The following SAMD5 variants were observed in gnomAD, a reference collection of about 807,000 sequenced individuals.
The protein encoded by SAMD5 is sterile alpha motif domain containing 5, also known as sterile alpha motif domain-containing protein 5.
Under a neutral mutation model 11.3 loss-of-function variants are expected in SAMD5, and 13 were observed. That is an observed-to-expected ratio of 1.15 (90% CI 0.75 to 1.83). SAMD5 has a LOEUF of 1.83. Among genes scored for constraint, SAMD5 ranks in the 40% most tolerant of loss-of-function variants. SAMD5 has a pLI of 0.00. For synonymous variants in SAMD5, 129 were observed against 111.3 expected, an observed-to-expected ratio of 1.16 and a Z score of -1.00; for missense variants, 255 against 239.1, an observed-to-expected ratio of 1.07 and a Z score of -0.44.
intron 1 of SAMD5, among the ~76,000 whole-genome samples, chr6:147,731,774 A>G (rs1791719288): frequency 6.6e-6 from 1 of 150,706 alleles, no homozygotes; most frequent in African/African-American, 2.5e-5. Flanking sequence ...TCCAATAGTA[A>G]AGCAACCAAC....
the SAMD5 span, among the ~76,000 whole-genome samples, chr6:147,944,479 C>G: frequency 6.6e-6 from 1 of 152,120 alleles, no homozygotes; most frequent in Non-Finnish European, 1.5e-5. Context: ...AAAGACCCAC[C>G]CCCGTGATTC....
At chr6:147,778,856 CTA>C in the SAMD5 span, among the ~76,000 whole-genome samples, 1 of 143,442 alleles carries the variant, frequency 7.0e-6, no homozygotes, top group African/African-American at 2.8e-5. Context: ...ACTGATTTCT[CTA>C]AAAAAAATTG....
At chr6:147,786,905 A>G in the SAMD5 span, among the ~76,000 whole-genome samples, 1 of 152,200 alleles carries the variant, frequency 6.6e-6, no homozygotes, top group South Asian at 2.1e-4. Context: ...CTGCAGTCAC[A>G]TTGACTTCTT....
chr6:147,680,796 C>T (rs930525584), intron 1 of SAMD5, among the ~76,000 whole-genome samples: 2 of 152,086 alleles, frequency 1.3e-5, no homozygotes, highest in Non-Finnish European at 2.9e-5. Flanking sequence ...GGTCCTTTAA[C>T]ATGATTAAAA....
chr6:147,553,987 A>G (rs573988438), intron 1 of SAMD5, among the ~76,000 whole-genome samples: 20 of 152,286 alleles, frequency 1.3e-4, no homozygotes, highest in African/African-American at 4.8e-4. Flanking sequence ...ACACTACTTT[A>G]AAGAACTGCT....
At chr6:147,634,088 T>A (rs1436020072) in intron 1 of SAMD5, among the ~76,000 whole-genome samples, 2 of 152,182 alleles carry the variant, frequency 1.3e-5, no homozygotes, top group African/African-American at 4.8e-5. Context: ...CAATGGGTAG[T>A]CTTTTGTGTC....
chr6:147,515,554 A>G (rs1467513102), intron 1 of SAMD5, among the ~76,000 whole-genome samples: 1 of 151,620 alleles, frequency 6.6e-6, no homozygotes, highest in African/African-American at 2.4e-5. Context: ...CCCTTTACCC[A>G]TCCATCTCTC....
intron 1 of SAMD5, among the ~76,000 whole-genome samples, chr6:147,631,260 A>C (rs1013257858): frequency 6.6e-6 from 1 of 152,224 alleles, no homozygotes; most frequent in Admixed American, 6.5e-5. Flanking sequence ...ACAAGGTCCG[A>C]ATAAGAGAAG....
At chr6:147,723,066 G>C (rs1791577792) in intron 1 of SAMD5, among the ~76,000 whole-genome samples, 1 of 152,094 alleles carries the variant, frequency 6.6e-6, no homozygotes, top group Admixed American at 6.6e-5. Flanking sequence ...CCTTCTTCCA[G>C]CAATAGATTG....
chr6:147,591,809 T>C (rs2128447276), intron 1 of SAMD5, among the ~76,000 whole-genome samples: 1 of 152,092 alleles, frequency 6.6e-6, no homozygotes, highest in Middle Eastern at 3.4e-3. Context: ...CATTTACAGG[T>C]CACCCTGACC....
At chr6:147,886,952 T>C in the SAMD5 span, among the ~76,000 whole-genome samples, 1 of 152,182 alleles carries the variant, frequency 6.6e-6, no homozygotes, top group Non-Finnish European at 1.5e-5. Context: ...AGCCACCAGA[T>C]GAGAATACAG....
At chr6:147,603,357 GT>G (rs1789652154) in intron 1 of SAMD5, among the ~76,000 whole-genome samples, 1 of 152,106 alleles carries the variant, frequency 6.6e-6, no homozygotes, top group South Asian at 2.1e-4. Context: ...ATACTGATGG[GT>G]TTATATTGAT....
At chr6:147,920,267 C>A in the SAMD5 span, among the ~76,000 whole-genome samples, 1 of 152,172 alleles carries the variant, frequency 6.6e-6, no homozygotes, top group Non-Finnish European at 1.5e-5. Context: ...ACTTGACTTG[C>A]TGAGTCTTCT....
At chr6:147,831,578 T>A in the SAMD5 span, among the ~76,000 whole-genome samples, 3 of 152,188 alleles carry the variant, frequency 2.0e-5, no homozygotes, top group African/African-American at 7.2e-5. Flanking sequence ...TTGGGAAACG[T>A]GGCTGCCCTG....
At chr6:147,793,920 G>C in the SAMD5 span, among the ~76,000 whole-genome samples, 4 of 152,140 alleles carry the variant, frequency 2.6e-5, no homozygotes, top group South Asian at 2.1e-4. Context: ...ATAAATTTTA[G>C]AGTCAGTTTG....
At chr6:147,689,253 T>C (rs1791065371) in intron 1 of SAMD5, among the ~76,000 whole-genome samples, 2 of 152,166 alleles carry the variant, frequency 1.3e-5, no homozygotes, top group South Asian at 4.1e-4. Flanking sequence ...GGCCAGGGGT[T>C]TGGCTTGGAA....
intron 1 of SAMD5, among the ~76,000 whole-genome samples, chr6:147,617,403 T>A (rs1262311848): frequency 2.6e-5 from 4 of 152,234 alleles, no homozygotes; most frequent in African/African-American, 9.6e-5. Flanking sequence ...CTTTTCTGAT[T>A]CATTGGCCTT....
In SAMD5 at chr6:147,569,904, A is replaced by G. The variant is rs1251443331; in HGVS notation, c.*5448A>G. On this transcript the variant is annotated 3_prime_UTR_variant, in exon 2 of 2. Transcript: ENST00000367474. ...TATTTTTTTTAAAGGACGTTATGAG[A>G]AGGCACTATGAAAAGCCTAATTGGA... is the stretch of plus-strand genomic sequence containing the variant. 1.0e-6 allele frequency: 1 copy of G among 985,208 alleles called. No individual in the cohort carries two copies. The highest frequency in any genetic ancestry group is 1.2e-6 in the Non-Finnish European group (1 of 829,766). 61.0% of individuals were successfully genotyped at this position (985,208 alleles called of 1,614,324 possible).
chr6:147,860,562 A>G, the SAMD5 span, among the ~76,000 whole-genome samples: 6 of 152,318 alleles, frequency 3.9e-5, no homozygotes, highest in South Asian at 1.2e-3. Context: ...CCACCTGTGC[A>G]TCTTTGAACA....
Sources: gnomAD v4.1 joint callset for allele counts (sites outside exome capture counted in the v4.1 genomes callset) on GRCh38, gnomAD v4.1.1 for gene constraint, MANE v1.5 for transcripts, NCBI Gene and HGNC (gene_info 2026-07-23, HGNC 2026-07-21) for gene names.